SVOPL: variants seen among roughly 807,000 people sequenced by gnomAD.
SVOPL encodes putative transporter SVOPL.
SVOPL carries 60 observed loss-of-function variants against 61.0 expected under a neutral mutation model. The observed-to-expected ratio is 0.98, with a 90% CI of 0.80 to 1.22. The LOEUF (loss-of-function observed/expected upper bound fraction) is 1.22, where lower values mean the gene tolerates loss of function less well. Ranked by LOEUF, SVOPL falls within the 50% of genes most tolerant of loss-of-function variation. SVOPL has a pLI of 0.00. For synonymous variants in SVOPL, 279 were observed against 250.0 expected, an observed-to-expected ratio of 1.12 and a Z score of -1.09; for missense variants, 662 against 643.9, an observed-to-expected ratio of 1.03 and a Z score of -0.30.
At chr7:138,644,383 G>T (rs2116998234) in intron 9 of SVOPL, among the ~76,000 whole-genome samples, 1 of 152,114 alleles carries the variant, frequency 6.6e-6, no homozygotes, top group Non-Finnish European at 1.5e-5. Flanking sequence ...ATGTAATGAG[G>T]TTTATAACCT....
intron 14 of SVOPL, among the ~76,000 whole-genome samples, chr7:138,610,745 T>C (rs1164386334): frequency 3.3e-5 from 5 of 152,224 alleles, no homozygotes; most frequent in African/African-American, 1.2e-4. Flanking sequence ...CACACCCTTA[T>C]GAGGCTCCAG....
intron 11 of SVOPL, 47 bp from the exon 12 acceptor site, chr7:138,627,508 G>A (rs1487996083): frequency 4.2e-6 from 6 of 1,417,746 alleles, no homozygotes; most frequent in Admixed American, 1.7e-5. Flanking sequence ...TGGAAGGCAA[G>A]TGGCATATTG....
At chr7:138,601,523 T>TA in intron 14 of SVOPL, among the ~76,000 whole-genome samples, 1 of 150,160 alleles carries the variant, frequency 6.7e-6, no homozygotes, top group East Asian at 2.0e-4. Flanking sequence ...AAAAGACAAA[T>TA]ACTGCATGCT....
chr7:138,640,056 A>C (rs1015518108), intron 9 of SVOPL, among the ~76,000 whole-genome samples: 1 of 151,428 alleles, frequency 6.6e-6, no homozygotes, highest in Non-Finnish European at 1.5e-5. Flanking sequence ...TCACACCCGG[A>C]CTCAAGAAAT....
chr7:138,636,726 C>T (rs1000476457), intron 9 of SVOPL, among the ~76,000 whole-genome samples: 1 of 152,236 alleles, frequency 6.6e-6, no homozygotes, highest in South Asian at 2.1e-4. Context: ...CCACCTCGGC[C>T]TCCCAAAGTA....
chr7:138,657,353 G>A (rs1349760844), intron 6 of SVOPL, among the ~76,000 whole-genome samples: 1 of 151,868 alleles, frequency 6.6e-6, no homozygotes, highest in Non-Finnish European at 1.5e-5. Flanking sequence ...ATGGGACCTT[G>A]CTGCATTGCC....
intron 7 of SVOPL, 118 bp from the exon 8 acceptor site, chr7:138,649,255 A>G (rs1162562696): frequency 3.8e-6 from 5 of 1,323,606 alleles, no homozygotes; most frequent in Non-Finnish European, 4.0e-6. Flanking sequence ...TGTGCTTCAC[A>G]TATCTTCTTT....
Position 138,628,421 on chromosome 7 carries a change from T to C in SVOPL, c.864-58A>G, listed in dbSNP as rs915531242. 4 of 1,559,254 alleles carry C rather than the reference T, an allele frequency of 2.6e-6. No individual in the cohort carries two copies. In the African/African-American group the frequency reaches 5.4e-5, roughly 21 times the overall value. ...GCTGACACCAGACCTGAAGGATGAGTGGGGAGGGGATACCAAGTGGAACGT... is the reference window on the plus strand; with the variant it reads ...GCTGACACCAGACCTGAAGGATGAGCGGGGAGGGGATACCAAGTGGAACGT... On this transcript the variant is annotated intron_variant, in intron 10 of 15. Coordinates refer to ENST00000674285, the MANE Select transcript of SVOPL (RefSeq NM_001139456.2).
At chr7:138,663,331 T>A in intron 4 of SVOPL, 186 bp from the exon 5 acceptor site, 1 of 1,431,872 alleles carries the variant, frequency 7.0e-7, no homozygotes, top group Admixed American at 2.8e-5. Flanking sequence ...CAGCTCCCTG[T>A]TGGTGGGAGC....
At chr7:138,676,943 A>ATCCT (rs1446300540) in intron 3 of SVOPL, among the ~76,000 whole-genome samples, 1 of 124,236 alleles carries the variant, frequency 8.0e-6, no homozygotes, top group Non-Finnish European at 1.6e-5. Context: ...TCGCTCTGTC[A>ATCCT]TCAGGGCTGG....
At position 138,628,372 on chromosome 7, in the gene SVOPL, G is replaced by A. The variant is rs1799994915; in HGVS notation, c.864-9C>T. 1 of 1,613,340 alleles carries A rather than the reference G, an allele frequency of 6.2e-7. No individual in the cohort carries two copies. The highest frequency in any genetic ancestry group is 1.7e-5 in the Admixed American group (1 of 59,940). ...CAAAAGAGATTCCAAGCCTGGAAGA[G>A]AGAAAACAAAGTCACTAGCCAACGC... On this transcript the variant is annotated splice_polypyrimidine_tract_variant and intron_variant, in intron 10 of 15. Transcript: ENST00000674285.
intron 13 of SVOPL, among the ~76,000 whole-genome samples, chr7:138,621,814 GTATCTATGTATCTATGTATCTATC>G (rs1799579425): frequency 2.3e-5 from 1 of 43,152 alleles, no homozygotes; most frequent in African/African-American, 8.0e-5. Context: ...ATCTATCTAT[GTATCTATGTATCTATGTATCTATC>G]TATCTATGTA....
At chr7:138,608,430 G>A (rs1798849597) in intron 14 of SVOPL, among the ~76,000 whole-genome samples, 1 of 152,176 alleles carries the variant, frequency 6.6e-6, no homozygotes, top group African/African-American at 2.4e-5. Flanking sequence ...TAAGCAAACA[G>A]ACATTTCTAA....
rs1229546884 is a variant in SVOPL at position 138,662,432 on chromosome 7, G to T, written c.345+642C>A. ...AGACTTGCTCCCTCCCAACCTACTT[G>T]GGTGCTCTGGGGGGTTAGAGACTTT... On this transcript the variant is annotated intron_variant, in intron 5 of 15. Coordinates refer to ENST00000674285, the MANE Select transcript of SVOPL (RefSeq NM_001139456.2). 8 of 985,218 alleles carry T rather than the reference G, an allele frequency of 8.1e-6. No homozygotes were observed. The Admixed American group carries it at 1.8e-4, about 23-fold the overall frequency. The allele number at this position is 985,218 out of a possible 1,614,324, so 61.0% of individuals were successfully genotyped here.
rs1459494161 is a variant in SVOPL, at chr7:138,672,074, G to A, written c.218C>T (p.Pro73Leu). The A allele has an allele frequency of 5.8e-6, 9 of 1,551,676 alleles. No homozygotes were observed. The East Asian group carries it at 2.2e-4, about 38-fold the overall frequency. The change falls in exon 4 of 16, where the codon CCT (proline) becomes CTT (leucine). Residue 73 changes from proline to leucine, a missense_variant. By Grantham distance (98) the Pro-to-Leu change is moderately conservative. Transcript: ENST00000674285. ...CAGTTGCCATTCACAGCGGATGACA[G>A]GAGACACAACAGCTATCAACATGAT... ...MEIMLIAVVS[P>L]VIRCEWQLEN...
intron 15 of SVOPL, 78 bp downstream of exon 15, chr7:138,596,339 G>C: frequency 2.6e-6 from 3 of 1,148,358 alleles, no homozygotes; most frequent in Non-Finnish European, 3.8e-6. Flanking sequence ...TAACTACAAT[G>C]ATGCCCATAT....
chr7:138,595,047 T>C (rs566206993), intron 15 of SVOPL, among the ~76,000 whole-genome samples: 1 of 152,194 alleles, frequency 6.6e-6, no homozygotes, highest in African/African-American at 2.4e-5. Context: ...TGAGCCACTG[T>C]ACCTGGCCAA....
At chr7:138,689,079 C>A in intron 1 of SVOPL, 2 of 737,460 alleles carry the variant, frequency 2.7e-6, no homozygotes, top group East Asian at 2.7e-5. Context: ...TGACACTTCC[C>A]AGGTCATCAA....
chr7:138,609,913 G>C (rs961696993), intron 14 of SVOPL, among the ~76,000 whole-genome samples: 1 of 152,078 alleles, frequency 6.6e-6, no homozygotes, highest in Admixed American at 6.6e-5. Context: ...TTGTTTAGTA[G>C]AGACGGGGTT....
Sources: allele counts gnomAD v4.1 joint callset (sites outside exome capture counted in the v4.1 genomes callset), GRCh38; gene constraint gnomAD v4.1.1; transcripts MANE v1.5; gene names NCBI Gene and HGNC (gene_info 2026-07-23, HGNC 2026-07-21).